SLC2A14: variants seen among roughly 807,000 people sequenced by gnomAD.
The protein encoded by SLC2A14 is solute carrier family 2, facilitated glucose transporter member 14.
SLC2A14 carries 13 observed loss-of-function variants against 43.0 expected under a neutral mutation model. The ratio of observed to expected loss-of-function variants is 0.30; its 90% confidence interval spans 0.20 to 0.48. SLC2A14 has a LOEUF of 0.48. Ranked by LOEUF, SLC2A14 falls within the 20% of genes least tolerant of loss-of-function variation. SLC2A14 has a pLI of 0.99. For synonymous variants in SLC2A14, 190 were observed against 233.8 expected (o/e 0.81, Z 1.71); for missense variants, 428 against 620.4 (o/e 0.69, Z 3.29).
intron 7 of SLC2A14, among the ~76,000 whole-genome samples, chr12:7,827,093 T>TTCTTTCTCTTTC (rs1864551715): frequency 4.0e-5 from 4 of 100,374 alleles, no homozygotes; most frequent in African/African-American, 1.7e-4. Context: ...CTTTCTTTCT[T>TTCTTTCTCTTTC]TCTCTTTCTT....
At chr12:7,816,380 A>G (rs1863457944) in intron 10 of SLC2A14, among the ~76,000 whole-genome samples, 1 of 46,284 alleles carries the variant, frequency 2.2e-5, no homozygotes. Context: ...CTGGGATTAC[A>G]GGCGTGAGCC....
chr12:7,827,959 G>A (rs141659152), intron 6 of SLC2A14, among the ~76,000 whole-genome samples: 1,925 of 152,200 alleles, frequency 0.013, 41 homozygotes, highest in African/African-American at 0.043. Flanking sequence ...CCAACATGGT[G>A]AAAGCCCATC....
chr12:7,819,044 C>T (rs1346115980), intron 9 of SLC2A14, among the ~76,000 whole-genome samples: 2 of 151,932 alleles, frequency 1.3e-5, no homozygotes, highest in Admixed American at 6.6e-5. Context: ...ATGGAGAAAC[C>T]CTGTCTCTAC....
In SLC2A14 at chr12:7,828,874, C is replaced by T. The variant is rs1456337531; in HGVS notation, c.514-8G>A. 1 of 1,612,494 alleles carries T rather than the reference C, an allele frequency of 6.2e-7. No homozygotes were observed. The highest frequency in any genetic ancestry group is 1.3e-5 in the African/African-American group (1 of 74,812). ...GAGTTCCAGACCAAAGATCTAGAAA[C>T]CACACAAAGATAATGCTATAAACCC... On this transcript the variant is annotated splice_polypyrimidine_tract_variant and splice_region_variant and intron_variant, in intron 5 of 10. Transcript: ENST00000431042.
rs768180699 is a variant in SLC2A14 at position 7,828,304 on chromosome 12, G to A, written c.676+400C>T. Among the ~76,000 whole-genome samples the A allele has an allele frequency of 7.9e-5, 12 of 151,902 alleles. No homozygotes were observed. In the East Asian group the frequency reaches 2.1e-3, roughly 27 times the overall value. ...CACTTGAACCTGGGAGGCAGAGGTT[G>A]CAGTGAACCGAGATTGCGCCACTGC... On this transcript the variant is annotated intron_variant, in intron 6 of 10. Transcript: ENST00000431042.
intron 2 of SLC2A14, among the ~76,000 whole-genome samples, chr12:7,848,851 C>T (rs763099286): frequency 4.0e-5 from 6 of 151,856 alleles, no homozygotes; most frequent in African/African-American, 9.7e-5. Context: ...CCACCGCGCC[C>T]GGCCTCTTTT....
upstream of SLC2A14, among the ~76,000 whole-genome samples, chr12:7,874,834 T>C (rs1433408100): frequency 3.3e-4 from 28 of 83,918 alleles, no homozygotes; most frequent in African/African-American, 8.5e-4. Flanking sequence ...AAATTATATA[T>C]AAATACGTAT....
At chr12:7,852,933 C>T (rs1867055781) in intron 2 of SLC2A14, among the ~76,000 whole-genome samples, 1 of 152,146 alleles carries the variant, frequency 6.6e-6, no homozygotes, top group South Asian at 2.1e-4. Flanking sequence ...ATTCAAAGCA[C>T]AACTCATAGA....
At chr12:7,862,264 CAAAAAAAAAAAAAAA>C (rs71038792) in intron 2 of SLC2A14, among the ~76,000 whole-genome samples, 4 of 58,922 alleles carry the variant, frequency 6.8e-5, no homozygotes, top group African/African-American at 2.9e-4. Context: ...ACTTGTCTCT[CAAAAAAAAAAAAAAA>C]AAAAAAAAAG....
At chr12:7,853,508 G>A (rs907647795) in intron 2 of SLC2A14, among the ~76,000 whole-genome samples, 1 of 151,878 alleles carries the variant, frequency 6.6e-6, no homozygotes, top group Non-Finnish European at 1.5e-5. Context: ...GCTGAGGCAG[G>A]AGAATCTCTT....
chr12:7,872,781 C>A, intron 1 of SLC2A14, 26 bp downstream of exon 1: 1 of 985,528 alleles, frequency 1.0e-6, no homozygotes, highest in Non-Finnish European at 1.2e-6. Flanking sequence ...CACCCCCCGG[C>A]CGCAGGGACG....
intron 2 of SLC2A14, among the ~76,000 whole-genome samples, chr12:7,865,479 G>A (rs1944858010): frequency 6.6e-6 from 1 of 151,996 alleles, no homozygotes; most frequent in Non-Finnish European, 1.5e-5. Flanking sequence ...GGAGGTTACA[G>A]TGAGCCGAGA....
At chr12:7,837,330 A>C (rs1314408555) in intron 2 of SLC2A14, among the ~76,000 whole-genome samples, 2 of 152,336 alleles carry the variant, frequency 1.3e-5, no homozygotes, top group East Asian at 3.9e-4. Context: ...TAATAAAATA[A>C]ATGTAAGATA....
Position 7,812,870 on chromosome 12 carries a change from AAC to A in SLC2A14, c.*1444_*1445del, listed in dbSNP as rs1863152624. ...ATATGAAAAAGGGGCTGTAGGAACA[AAC>A]ACAGAGAAAATAAGTCAACAATAAC... On this transcript the variant is annotated 3_prime_UTR_variant, in exon 11 of 11. Coordinates refer to ENST00000431042, the MANE Select transcript of SLC2A14 (RefSeq NM_001286234.2). 2 of 152,222 alleles carry A rather than the reference AAC, an allele frequency of 1.3e-5. No homozygotes were observed. Among genetic ancestry groups the A allele is most frequent in the South Asian group, 2.1e-4 (1 of 4,828 alleles). The allele number at this position is 152,222 out of a possible 1,614,324, so 9.4% of individuals were successfully genotyped here. A position where few individuals can be genotyped will look rare whatever the true frequency, so the allele number is the denominator to read the frequency against.
At chr12:7,873,269 T>C (rs1339524009), upstream of SLC2A14, 1 of 985,528 alleles carries the variant, frequency 1.0e-6, no homozygotes, top group African/African-American at 1.7e-5. Context: ...CCTCACCGCC[T>C]GCAGCAGGGA....
chr12:7,854,768 C>T (rs1330388075), intron 2 of SLC2A14, among the ~76,000 whole-genome samples: 1 of 151,924 alleles, frequency 6.6e-6, no homozygotes, highest in East Asian at 1.9e-4. Context: ...CTGCCCACCT[C>T]GACCTCCCGA....
At chr12:7,882,317 C>T (rs1360113427) in intron 1 of SLC2A14, among the ~76,000 whole-genome samples, 2 of 151,820 alleles carry the variant, frequency 1.3e-5, no homozygotes, top group Non-Finnish European at 2.9e-5. Context: ...TCAGGGAGAC[C>T]ACCAACCCAC....
chr12:7,821,095 TA>T (rs943670369), intron 8 of SLC2A14, 125 bp downstream of exon 8: 29 of 709,390 alleles, frequency 4.1e-5, no homozygotes, highest in African/African-American at 3.7e-4. Flanking sequence ...TCAAAAAATT[TA>T]AAAAAATAAA....
intron 7 of SLC2A14, among the ~76,000 whole-genome samples, chr12:7,825,235 T>TG (rs35637766): frequency 0.37 from 45,814 of 124,176 alleles, 8,522 homozygotes; most frequent in South Asian, 0.47. Context: ...CCGAGGCGGG[T>TG]GGATCACTTG....
Sources: gnomAD v4.1 joint callset for allele counts (sites outside exome capture counted in the v4.1 genomes callset) on GRCh38, gnomAD v4.1.1 for gene constraint, MANE v1.5 for transcripts, NCBI Gene and HGNC (gene_info 2026-07-23, HGNC 2026-07-21) for gene names.